The following KCNH5 variants were observed in gnomAD, a reference collection of about 807,000 sequenced individuals.
KCNH5 encodes the protein potassium voltage-gated channel subfamily H member 5, also known as voltage-gated delayed rectifier potassium channel KCNH5.
In KCNH5, 46 loss-of-function variants were observed where a neutral mutation model predicts 96.1. The ratio of observed to expected loss-of-function variants is 0.48; its 90% CI spans 0.38 to 0.61. The LOEUF is 0.61. KCNH5 is among the 20% of genes least tolerant of loss of function. The pLI is 0.00. For missense variants in KCNH5, 907 were observed against 1,225.8 expected, an observed-to-expected ratio of 0.74 and a Z score of 3.88; for synonymous variants, 439 against 449.8, an observed-to-expected ratio of 0.98 and a Z score of 0.30.
chr14:62,758,634 T>G (rs1217102514), intron 10 of KCNH5, among the ~76,000 whole-genome samples: 1 of 152,204 alleles, frequency 6.6e-6, no homozygotes, highest in East Asian at 1.9e-4. Context: ...GTCACTGAAG[T>G]GCTGGCGTAG....
intron 1 of KCNH5, among the ~76,000 whole-genome samples, chr14:63,039,740 ACTGTCAACTAAAATAAATT>A (rs914162953): frequency 3.9e-5 from 6 of 152,134 alleles, no homozygotes; most frequent in Non-Finnish European, 7.4e-5. Context: ...AATGTTGATC[ACTGTCAACTAAAATAAATT>A]CTAATAATTA....
chr14:62,786,542 G>A (rs1566660185), intron 9 of KCNH5, among the ~76,000 whole-genome samples: 1 of 152,120 alleles, frequency 6.6e-6, no homozygotes, highest in Non-Finnish European at 1.5e-5. Flanking sequence ...GATGAAAGCA[G>A]CTAAAATCTA....
chr14:62,992,002 C>T (rs1890818277), intron 4 of KCNH5, among the ~76,000 whole-genome samples: 1 of 151,986 alleles, frequency 6.6e-6, no homozygotes, highest in Admixed American at 6.6e-5. Flanking sequence ...CCCAAGTCTC[C>T]AATGTCTATC....
At chr14:63,042,527 TA>T (rs1362370778) in intron 1 of KCNH5, among the ~76,000 whole-genome samples, 4 of 152,102 alleles carry the variant, frequency 2.6e-5, no homozygotes, top group Non-Finnish European at 4.4e-5. Flanking sequence ...CTTCAATTGT[TA>T]AATAGATTGG....
At chr14:62,889,699 A>G (rs1888666052) in intron 7 of KCNH5, among the ~76,000 whole-genome samples, 1 of 152,204 alleles carries the variant, frequency 6.6e-6, no homozygotes, top group Non-Finnish European at 1.5e-5. Context: ...TAATGTTTGG[A>G]TGTGAGAAAA....
chr14:62,942,702 TAGTCAATTACAGAA>T (rs1379879303), intron 7 of KCNH5, among the ~76,000 whole-genome samples: 12 of 152,228 alleles, frequency 7.9e-5, no homozygotes, highest in African/African-American at 2.7e-4. Flanking sequence ...CAGATCATAC[TAGTCAATTACAGAA>T]AGTTTTTAGA....
At chr14:62,853,938 C>T (rs1312981568) in intron 7 of KCNH5, among the ~76,000 whole-genome samples, 4 of 145,688 alleles carry the variant, frequency 2.7e-5, no homozygotes, top group Non-Finnish European at 4.5e-5. Context: ...ACCCGGGAGG[C>T]GGAGGTTGCA....
At chr14:62,850,699 G>A (rs117979200) in intron 7 of KCNH5, among the ~76,000 whole-genome samples, 3,212 of 152,150 alleles carry the variant, frequency 0.021, 60 homozygotes, top group East Asian at 0.062. Flanking sequence ...AGCTTATTTA[G>A]GGTACAGTTC....
chr14:62,731,939 A>C (rs964261151), intron 10 of KCNH5, among the ~76,000 whole-genome samples: 1 of 152,156 alleles, frequency 6.6e-6, no homozygotes, highest in African/African-American at 2.4e-5. Context: ...TGAATGAGAA[A>C]ATTCCTCAGC....
At chr14:62,879,250 T>A (rs1888445231) in intron 7 of KCNH5, among the ~76,000 whole-genome samples, 1 of 152,198 alleles carries the variant, frequency 6.6e-6, no homozygotes, top group Non-Finnish European at 1.5e-5. Flanking sequence ...GGAACTCTCA[T>A]GCATTGCTGG....
intron 6 of KCNH5, among the ~76,000 whole-genome samples, chr14:62,953,093 A>G (rs973799497): frequency 6.6e-6 from 1 of 151,798 alleles, no homozygotes; most frequent in Admixed American, 6.6e-5. Flanking sequence ...TAAACATTAT[A>G]AAATGTTTTA....
intron 8 of KCNH5, among the ~76,000 whole-genome samples, chr14:62,834,617 G>A (rs1184002673): frequency 6.6e-6 from 1 of 151,860 alleles, no homozygotes; most frequent in East Asian, 1.9e-4. Flanking sequence ...TCTGACAATT[G>A]GACTAGAGAT....
At chr14:62,941,707 C>T (rs760854548) in intron 7 of KCNH5, among the ~76,000 whole-genome samples, 12 of 152,190 alleles carry the variant, frequency 7.9e-5, no homozygotes, top group South Asian at 2.1e-4. Context: ...CTACCTACAC[C>T]GCAATAACAA....
chr14:62,858,915 C>T (rs1401912808), intron 7 of KCNH5, among the ~76,000 whole-genome samples: 1 of 152,136 alleles, frequency 6.6e-6, no homozygotes, highest in Non-Finnish European at 1.5e-5. Context: ...ATCCAGCTGC[C>T]TCAGGACGAT....
intron 7 of KCNH5, among the ~76,000 whole-genome samples, chr14:62,910,932 CACACACACA>C (rs1566704681): frequency 1.0e-4 from 15 of 145,234 alleles, no homozygotes; most frequent in Admixed American, 5.5e-4. Context: ...CACACACACA[CACACACACA>C]CCCCTCTGTT....
intron 7 of KCNH5, among the ~76,000 whole-genome samples, chr14:62,876,372 A>G (rs1263575726): frequency 6.6e-6 from 1 of 152,364 alleles, no homozygotes; most frequent in East Asian, 1.9e-4. Context: ...ATAATGCAGG[A>G]AAAAGAAATA....
intron 1 of KCNH5, among the ~76,000 whole-genome samples, chr14:63,024,311 G>C (rs1388258049): frequency 1.3e-5 from 2 of 151,122 alleles, no homozygotes; most frequent in Non-Finnish European, 2.9e-5. Flanking sequence ...GAAGTTTATA[G>C]CAACAAGTGC....
chr14:62,875,411 T>G (rs546990368), intron 7 of KCNH5, among the ~76,000 whole-genome samples: 1 of 152,302 alleles, frequency 6.6e-6, no homozygotes, highest in Admixed American at 6.5e-5. Context: ...AGAACAAAGC[T>G]GGAGGCATCA....
chr14:62,991,939 A>G (rs915420526), intron 4 of KCNH5, among the ~76,000 whole-genome samples: 19 of 151,948 alleles, frequency 1.3e-4, no homozygotes, highest in Non-Finnish European at 4.4e-5. Flanking sequence ...AATAACATAT[A>G]TTGTACTCAT....
Sources: gnomAD v4.1 joint callset for allele counts (sites outside exome capture counted in the v4.1 genomes callset) on GRCh38, gnomAD v4.1.1 for gene constraint, MANE v1.5 for transcripts, NCBI Gene and HGNC (gene_info 2026-07-23, HGNC 2026-07-21) for gene names.